Variants in RAD23B observed in about 807,000 individuals in gnomAD.
RAD23B encodes the protein lysine-specific demethylase RAD23B.
In RAD23B, 5 loss-of-function variants were observed where a neutral mutation model predicts 49.1. That is an observed-to-expected ratio of 0.10 (90% CI 0.05 to 0.21). RAD23B has a LOEUF of 0.21. Among genes scored for constraint, RAD23B ranks in the 10% least tolerant of loss-of-function variants. The probability of loss-of-function intolerance (pLI) is 1.00; values close to 1 mark genes in which losing one functional copy is unlikely to be tolerated. For synonymous variants in RAD23B, 184 were observed against 165.4 expected (o/e 1.11, Z -0.86); for missense variants, 356 against 486.7 (o/e 0.73, Z 2.53).
At chr9:107,314,808 T>C (rs1826959543) in intron 5 of RAD23B, among the ~76,000 whole-genome samples, 1 of 152,222 alleles carries the variant, frequency 6.6e-6, no homozygotes, top group African/African-American at 2.4e-5. Flanking sequence ...ATAAGCATTC[T>C]ATTTTCTCCA....
At position 107,298,474 on chromosome 9, in the gene RAD23B, ATTTTTT is replaced by A. The variant is rs35923233; in HGVS notation, c.67-1644_67-1639del. Among the ~76,000 whole-genome samples the A allele has an allele frequency of 2.6e-4, 14 of 53,126 alleles. No homozygotes were observed. In the East Asian group the frequency reaches 5.5e-3, roughly 21 times the overall value. 34.9% of individuals were successfully genotyped at this position (53,126 alleles called of 152,430 possible). ...AGGCATTTACCGCCATGCTTGGCTA[ATTTTTT>A]TTTTTTTTTTTTTTTTTTTTTTGCA... On this transcript the variant is annotated intron_variant, in intron 1 of 9. Coordinates refer to ENST00000358015, the MANE Select transcript of RAD23B (RefSeq NM_002874.5).
At chr9:107,289,146 CCCTCCTTT>C (rs892057484) in intron 1 of RAD23B, among the ~76,000 whole-genome samples, 1 of 136,726 alleles carries the variant, frequency 7.3e-6, no homozygotes, top group African/African-American at 2.7e-5. Flanking sequence ...TCCTCTCCTT[CCCTCCTTT>C]CCTCCCTTCC....
intron 9 of RAD23B, among the ~76,000 whole-genome samples, chr9:107,328,870 A>T (rs908829749): frequency 1.3e-5 from 2 of 152,216 alleles, no homozygotes; most frequent in African/African-American, 4.8e-5. Context: ...GTGATTTTTA[A>T]TATAATAGAC....
At chr9:107,287,845 A>AC (rs1016392020) in intron 1 of RAD23B, among the ~76,000 whole-genome samples, 8 of 151,686 alleles carry the variant, frequency 5.3e-5, no homozygotes, top group Non-Finnish European at 1.2e-4. Flanking sequence ...AAAAAAAAAA[A>AC]AAAAACAAAA....
At chr9:107,283,780 A>T (rs1042987275) in intron 1 of RAD23B, 85 bp downstream of exon 1, 2 of 1,216,026 alleles carry the variant, frequency 1.6e-6, no homozygotes, top group Non-Finnish European at 2.1e-6. Flanking sequence ...GGCGCGCTCC[A>T]GCGGGGGAAG....
intron 1 of RAD23B, among the ~76,000 whole-genome samples, chr9:107,298,478 T>G: frequency 9.4e-6 from 1 of 106,160 alleles, no homozygotes; most frequent in Non-Finnish European, 2.1e-5. Flanking sequence ...TGGCTAATTT[T>G]TTTTTTTTTT....
Position 107,330,177 on chromosome 9 carries a change from T to C in RAD23B, c.*521T>C, listed in dbSNP as rs563340179. ...TGCTGCTTCAAAAATAAGTATAAAA[T>C]TAATATGTAAGGAAGCCCATTCTTT... On this transcript the variant is annotated 3_prime_UTR_variant, in exon 10 of 10. Transcript: ENST00000358015. This position sits in a 1 kb window ranked among gnomAD's most constrained non-coding sequence, Gnocchi z 4.4. 6.5e-6 allele frequency: 1 copy of C among 152,672 alleles called. No homozygotes were observed. Among genetic ancestry groups the C allele is most frequent in the African/African-American group, 2.4e-5 (1 of 41,552 alleles). The allele number at this position is 152,672 out of a possible 1,614,324, so 9.5% of individuals were successfully genotyped here. A position where few individuals can be genotyped will look rare whatever the true frequency, so the allele number is the denominator to read the frequency against.
intron 1 of RAD23B, chr9:107,285,014 C>G: frequency 8.2e-7 from 1 of 1,219,972 alleles, no homozygotes; most frequent in Non-Finnish European, 1.1e-6. Flanking sequence ...CTCATTTAAT[C>G]TTAAGTTTTG....
rs554519078 is a variant in RAD23B at position 107,331,411 on chromosome 9, G to A, written c.*1755G>A. The A allele has an allele frequency of 8.3e-6, 3 of 362,194 alleles. No individual in the cohort carries two copies. Among genetic ancestry groups the A allele is most frequent in the South Asian group, 5.7e-5 (1 of 17,404 alleles). 22.4% of individuals were successfully genotyped at this position (362,194 alleles called of 1,614,324 possible). On this transcript the variant is annotated 3_prime_UTR_variant, in exon 10 of 10. Transcript: ENST00000358015. ...CCAGCTACTTGGGAGGCTGAGGCATGAGAATTGCTTGAACCCGGGAAGTGA... is the reference window on the plus strand; with the variant it reads ...CCAGCTACTTGGGAGGCTGAGGCATAAGAATTGCTTGAACCCGGGAAGTGA...
chr9:107,323,772 C>G, intron 7 of RAD23B, 118 bp from the exon 8 acceptor site: 2 of 984,796 alleles, frequency 2.0e-6, no homozygotes, highest in Non-Finnish European at 1.6e-6. Context: ...CATTTTATTA[C>G]ATCTGAGAAC....
intron 5 of RAD23B, among the ~76,000 whole-genome samples, chr9:107,312,699 C>G (rs1338931932): frequency 6.6e-6 from 1 of 152,184 alleles, no homozygotes; most frequent in African/African-American, 2.4e-5. Context: ...ACAGAAACCA[C>G]TCTATTTCAA....
intron 1 of RAD23B, among the ~76,000 whole-genome samples, chr9:107,292,792 C>T (rs1833409736): frequency 6.6e-6 from 1 of 151,858 alleles, no homozygotes; most frequent in Non-Finnish European, 1.5e-5. Flanking sequence ...GAGACTCTGC[C>T]TCTAGAGCCT....
At chr9:107,292,425 A>G (rs1833400396) in intron 1 of RAD23B, among the ~76,000 whole-genome samples, 1 of 152,142 alleles carries the variant, frequency 6.6e-6, no homozygotes, top group Non-Finnish European at 1.5e-5. Context: ...TTATGCCTGT[A>G]ATCCCAGCAC....
intron 6 of RAD23B, among the ~76,000 whole-genome samples, chr9:107,319,128 C>CTTTTTTTTTTTTTTTTTTTTTT (rs56891354): frequency 1.0e-5 from 1 of 97,790 alleles, no homozygotes. Context: ...TTTCTTTTTT[C>CTTTTTTTTTTTTTTTTTTTTTT]TTTTTTTTTT....
chr9:107,301,340 A>G (rs1587852052), intron 2 of RAD23B, among the ~76,000 whole-genome samples: 1 of 152,218 alleles, frequency 6.6e-6, no homozygotes, highest in African/African-American at 2.4e-5. Context: ...TCATAAAAGA[A>G]TATAGGTTAT....
chr9:107,296,787 G>A (rs1037732743), intron 1 of RAD23B, among the ~76,000 whole-genome samples: 2 of 151,878 alleles, frequency 1.3e-5, no homozygotes, highest in South Asian at 4.2e-4. Flanking sequence ...CGCCCACTTC[G>A]GCCTTCCAGG....
At chr9:107,324,139 C>A in intron 8 of RAD23B, 122 bp downstream of exon 8, 3 of 1,121,728 alleles carry the variant, frequency 2.7e-6, no homozygotes, top group Non-Finnish European at 2.5e-6. Flanking sequence ...TGTTTTCTTC[C>A]AAGCTACACT....
At chr9:107,305,314 A>G (rs1262854572) in intron 3 of RAD23B, among the ~76,000 whole-genome samples, 1 of 152,154 alleles carries the variant, frequency 6.6e-6, no homozygotes, top group Non-Finnish European at 1.5e-5. Context: ...AAAAGAAACA[A>G]AAGAAAATCA....
chr9:107,306,045 T>TTATATATATATATA (rs1374828264), intron 3 of RAD23B, among the ~76,000 whole-genome samples: 7 of 26,798 alleles, frequency 2.6e-4, no homozygotes, highest in African/African-American at 9.0e-4. Context: ...ATGATACGGT[T>TTATATATATATATA]TATATCTATA....
Sources: gnomAD v4.1 joint callset for allele counts (sites outside exome capture counted in the v4.1 genomes callset) on GRCh38, gnomAD v4.1.1 for gene constraint, Gnocchi (gnomAD v3.1) non-coding constraint, MANE v1.5 for transcripts, NCBI Gene and HGNC (gene_info 2026-07-23, HGNC 2026-07-21) for gene names.